The following NPAS3 variants were observed in gnomAD, a reference collection of about 807,000 sequenced individuals.
The protein encoded by NPAS3 is neuronal PAS domain protein 3.
A neutral mutation model predicts 73.1 loss-of-function variants in NPAS3; 14 were observed. The observed-to-expected ratio is 0.19, with a 90% CI of 0.13 to 0.30. NPAS3 has a LOEUF of 0.30. Ranked by LOEUF, NPAS3 falls within the 10% of genes least tolerant of loss-of-function variation. NPAS3 has a pLI of 1.00. For synonymous variants in NPAS3, 620 were observed against 541.5 expected (o/e 1.14, Z -2.01); for missense variants, 1,096 against 1,250.0 (o/e 0.88, Z 1.86).
At chr14:33,509,367 T>C (rs2052929143) in intron 4 of NPAS3, among the ~76,000 whole-genome samples, 1 of 152,008 alleles carries the variant, frequency 6.6e-6, no homozygotes, top group South Asian at 2.1e-4. Context: ...TCTCCTCTAT[T>C]CCATTTTACA....
chr14:33,776,082 G>C (rs1290804481), intron 8 of NPAS3, among the ~76,000 whole-genome samples: 7 of 152,122 alleles, frequency 4.6e-5, no homozygotes, highest in Non-Finnish European at 1.0e-4. Context: ...TTTTTCTTCA[G>C]AAGTCAGACT....
chr14:33,569,348 G>A (rs1300033869), intron 5 of NPAS3, among the ~76,000 whole-genome samples: 3 of 152,132 alleles, frequency 2.0e-5, no homozygotes, highest in Admixed American at 6.6e-5. Flanking sequence ...GGCCTAGATT[G>A]GATGTTTTCA....
At chr14:33,173,024 T>C (rs2045456319) in intron 2 of NPAS3, among the ~76,000 whole-genome samples, 1 of 152,202 alleles carries the variant, frequency 6.6e-6, no homozygotes, top group Admixed American at 6.5e-5. Flanking sequence ...TCAGAATTGC[T>C]TGTTTTTGAT....
At chr14:33,438,805 G>A (rs533431701) in intron 4 of NPAS3, among the ~76,000 whole-genome samples, 22 of 152,186 alleles carry the variant, frequency 1.4e-4, no homozygotes, top group Admixed American at 2.0e-4. Context: ...AATTTTCCAC[G>A]TTGGTTAATA....
At chr14:33,326,707 A>G (rs1244871571) in intron 3 of NPAS3, among the ~76,000 whole-genome samples, 2 of 152,228 alleles carry the variant, frequency 1.3e-5, no homozygotes, top group African/African-American at 4.8e-5. Flanking sequence ...ATGAACAGGA[A>G]GAATGCCCAA....
chr14:32,968,550 T>C (rs2037282649), intron 1 of NPAS3, among the ~76,000 whole-genome samples: 1 of 152,218 alleles, frequency 6.6e-6, no homozygotes, highest in South Asian at 2.1e-4. Flanking sequence ...AATTATGAAT[T>C]ACTTGTTTTC....
At chr14:33,148,975 C>T (rs747193771) in intron 2 of NPAS3, among the ~76,000 whole-genome samples, 14 of 152,072 alleles carry the variant, frequency 9.2e-5, no homozygotes, top group Non-Finnish European at 1.6e-4. Flanking sequence ...TAGGATACCC[C>T]GCGAGCCACC....
intron 3 of NPAS3, among the ~76,000 whole-genome samples, chr14:33,247,204 C>T (rs1048637474): frequency 2.6e-5 from 4 of 151,978 alleles, no homozygotes; most frequent in African/African-American, 9.7e-5. Context: ...CCCATTATTA[C>T]CTGTGTTAAT....
chr14:33,429,341 G>T (rs910039054), intron 4 of NPAS3, among the ~76,000 whole-genome samples: 3 of 152,052 alleles, frequency 2.0e-5, no homozygotes, highest in Non-Finnish European at 4.4e-5. Flanking sequence ...TGGTGGTGGT[G>T]TTTAACCCTA....
intron 3 of NPAS3, among the ~76,000 whole-genome samples, chr14:33,364,784 A>C (rs894708976): frequency 6.0e-5 from 9 of 149,738 alleles, no homozygotes; most frequent in Non-Finnish European, 1.2e-4. Flanking sequence ...CACCCCCCAC[A>C]CCCCCACTGA....
At chr14:33,219,976 T>A (rs2047363083) in intron 3 of NPAS3, among the ~76,000 whole-genome samples, 1 of 152,140 alleles carries the variant, frequency 6.6e-6, no homozygotes, top group Non-Finnish European at 1.5e-5. Flanking sequence ...CCAAGTGACA[T>A]TCATGCTATG....
At chr14:33,122,617 T>C (rs1344986074) in intron 2 of NPAS3, among the ~76,000 whole-genome samples, 1 of 152,156 alleles carries the variant, frequency 6.6e-6, no homozygotes, top group Non-Finnish European at 1.5e-5. Flanking sequence ...CCCACCTTCA[T>C]GTTGTGATAC....
At position 32,939,380 on chromosome 14, in the gene NPAS3, GT is replaced by G; in HGVS notation, c.50+17del. On this transcript the variant is annotated intron_variant, in intron 1 of 11. Coordinates refer to ENST00000356141, the Ensembl canonical transcript of NPAS3. Reference sequence around the variant, plus strand: ...CAGGCGAGAACGGTAACACTTTTCTGTTTATTGAACCTGCCGCCGGGCCGCT... The same window carrying G: ...CAGGCGAGAACGGTAACACTTTTCTGTTATTGAACCTGCCGCCGGGCCGCT... 1 of 679,324 alleles carries G rather than the reference GT, an allele frequency of 1.5e-6. No individual in the cohort carries two copies. The highest frequency in any genetic ancestry group is 2.6e-6 in the Non-Finnish European group (1 of 386,068). The allele number at this position is 679,324 out of a possible 1,614,324, so 42.1% of individuals were successfully genotyped here.
chr14:33,465,450 A>G (rs997045134), intron 4 of NPAS3, among the ~76,000 whole-genome samples: 1 of 152,336 alleles, frequency 6.6e-6, no homozygotes, highest in African/African-American at 2.4e-5. Flanking sequence ...AAAAAACAAG[A>G]TTATAGAATA....
chr14:33,172,672 G>T lies in NPAS3; in HGVS notation c.141-42510G>T, dbSNP rs374326625. Among the ~76,000 whole-genome samples the T allele has an allele frequency of 5.5e-4, 84 of 152,030 alleles. 2 individuals are homozygous for T. The South Asian group carries it at 0.017, about 30-fold the overall frequency. On this transcript the variant is annotated intron_variant, in intron 2 of 11. Transcript: ENST00000356141. ...AATAGCTTGAACCTTGGAGGCGGAG[G>T]TTACGCTGAACTGAGATCATGCCAC...
intron 9 of NPAS3, among the ~76,000 whole-genome samples, chr14:33,789,447 A>G (rs898223708): frequency 6.6e-6 from 1 of 152,116 alleles, no homozygotes; most frequent in South Asian, 2.1e-4. Context: ...TACGTCTGGG[A>G]CCTTTCAAGA....
In NPAS3 at chr14:33,685,258, C is replaced by T. The variant is rs74639274; in HGVS notation, c.733+8873C>T. ...TAATGAGGATCAGGACACTATGGTG[C>T]GTAAGTAGGATAGCATCATAGCACA... On this transcript the variant is annotated intron_variant, in intron 6 of 11. Transcript: ENST00000356141. 9.5e-3 allele frequency among the ~76,000 whole-genome samples: 1,450 copies of T among 152,248 alleles called. 19 individuals carry two copies. The highest frequency in any genetic ancestry group is 0.033 in the African/African-American group (1,379 of 41,556).
At chr14:32,956,665 C>A (rs2036683323) in intron 1 of NPAS3, among the ~76,000 whole-genome samples, 1 of 152,254 alleles carries the variant, frequency 6.6e-6, no homozygotes, top group Non-Finnish European at 1.5e-5. Flanking sequence ...TGAATTTTGT[C>A]TTTAATGCAT....
At chr14:33,597,554 C>A (rs1339175093) in intron 5 of NPAS3, among the ~76,000 whole-genome samples, 1 of 152,250 alleles carries the variant, frequency 6.6e-6, no homozygotes, top group East Asian at 1.9e-4. Flanking sequence ...ACAGGTTTAG[C>A]TCCAGATTGC....
Sources: allele counts gnomAD v4.1 joint callset (sites outside exome capture counted in the v4.1 genomes callset), GRCh38; gene constraint gnomAD v4.1.1; transcripts MANE v1.5; gene names NCBI Gene and HGNC (gene_info 2026-07-23, HGNC 2026-07-21).